Variants in RAB37 observed in about 807,000 individuals in gnomAD.
RAB37 encodes ras-related protein Rab-37.
In RAB37, 29 loss-of-function variants were observed where a neutral mutation model predicts 33.1. That is an observed-to-expected ratio of 0.88 (90% CI 0.65 to 1.20). The LOEUF (loss-of-function observed/expected upper bound fraction) is 1.20. Among genes scored for constraint, RAB37 ranks in the 50% most tolerant of loss-of-function variants. The pLI is 0.00. For missense variants in RAB37, 299 were observed against 301.1 expected, an observed-to-expected ratio of 0.99 and a Z score of 0.05; for synonymous variants, 128 against 119.5, an observed-to-expected ratio of 1.07 and a Z score of -0.47.
At chr17:74,696,094 A>C in intron 1 of RAB37, 1 of 1,454,974 alleles carries the variant, frequency 6.9e-7, no homozygotes, top group Middle Eastern at 2.1e-4. Flanking sequence ...ATACTTTGGC[A>C]CAGGACTTCT....
chr17:74,684,047 T>C (rs920405353), intron 1 of RAB37, among the ~76,000 whole-genome samples: 2 of 152,094 alleles, frequency 1.3e-5, no homozygotes, highest in Admixed American at 1.3e-4. Flanking sequence ...AAACAATAAG[T>C]TCATATTGGT....
At chr17:74,710,459 A>T (rs2033862356) in intron 1 of RAB37, among the ~76,000 whole-genome samples, 1 of 152,254 alleles carries the variant, frequency 6.6e-6, no homozygotes, top group Non-Finnish European at 1.5e-5. Context: ...AACTGCTAAT[A>T]AATAGTTGGA....
chr17:74,696,054 C>T, intron 1 of RAB37: 1 of 1,286,242 alleles, frequency 7.8e-7, no homozygotes, highest in Non-Finnish European at 1.1e-6. Flanking sequence ...CCCTCAGCCC[C>T]CAGGCCCTGC....
intron 1 of RAB37, among the ~76,000 whole-genome samples, chr17:74,691,465 C>T (rs1036957880): frequency 1.3e-5 from 2 of 152,140 alleles, no homozygotes; most frequent in African/African-American, 4.8e-5. Flanking sequence ...CCACCATGCC[C>T]GGCCTGTAGA....
chr17:74,701,856 A>G (rs1029678222), intron 1 of RAB37, among the ~76,000 whole-genome samples: 5 of 151,506 alleles, frequency 3.3e-5, no homozygotes, highest in African/African-American at 1.2e-4. Context: ...TCAAAAAAAA[A>G]AAAAAAAAAA....
chr17:74,717,772 G>A (rs1393541515), intron 1 of RAB37, among the ~76,000 whole-genome samples: 2 of 147,584 alleles, frequency 1.4e-5, no homozygotes, highest in Non-Finnish European at 3.0e-5. Flanking sequence ...TCGTACCATT[G>A]CACTCCAGCC....
chr17:74,685,377 A>G (rs1000594482), intron 1 of RAB37, among the ~76,000 whole-genome samples: 1 of 152,118 alleles, frequency 6.6e-6, no homozygotes, highest in African/African-American at 2.4e-5. Flanking sequence ...TAGTAGAGAC[A>G]GGGTTTCACC....
chr17:74,686,548 A>G (rs2032058581), intron 1 of RAB37, among the ~76,000 whole-genome samples: 1 of 151,608 alleles, frequency 6.6e-6, no homozygotes, highest in African/African-American at 2.4e-5. Flanking sequence ...ACACCACTAC[A>G]CCTAGCTAGT....
At chr17:74,707,841 T>A (rs905220855) in intron 1 of RAB37, among the ~76,000 whole-genome samples, 9 of 151,904 alleles carry the variant, frequency 5.9e-5, no homozygotes, top group African/African-American at 2.2e-4. Flanking sequence ...GTTATGCCAA[T>A]GAATTTACAA....
In RAB37 at chr17:74,744,599, C is replaced by T; in HGVS notation, c.432+226C>T. The T allele has an allele frequency of 1.6e-6, 1 of 624,768 alleles. No homozygotes were observed. Among genetic ancestry groups the T allele is most frequent in the Admixed American group, 2.8e-5 (1 of 35,136 alleles). 38.7% of individuals were successfully genotyped at this position (624,768 alleles called of 1,614,324 possible). A position where few individuals can be genotyped will look rare whatever the true frequency, so the allele number is the denominator to read the frequency against. On this transcript the variant is annotated intron_variant, in intron 6 of 8. Transcript: ENST00000392613. This position sits in a 1 kb window ranked among gnomAD's most constrained non-coding sequence, Gnocchi z 4.2. Reference sequence around the variant, plus strand: ...ATCAAGGGGTGCCCAGTTCTCAGCCCCCATTAGAGCAGAGTGAACAGGGTC... The same window carrying T: ...ATCAAGGGGTGCCCAGTTCTCAGCCTCCATTAGAGCAGAGTGAACAGGGTC...
chr17:74,674,752 A>G (rs2031785921), intron 1 of RAB37, among the ~76,000 whole-genome samples: 1 of 152,218 alleles, frequency 6.6e-6, no homozygotes, highest in Non-Finnish European at 1.5e-5. Flanking sequence ...AATTATCACA[A>G]AGTGAACATA....
rs992625302 is a variant in RAB37, at chr17:74,746,507, A to G, written c.*1096A>G. ...CCAAAGTACTGGGATTACACGCAGA[A>G]GGCACCATGCCCAGGCTAGATGTGT... On this transcript the variant is annotated 3_prime_UTR_variant, in exon 9 of 9. Transcript: ENST00000392613. The surrounding 1 kb of genome is among the most constrained non-coding windows in gnomAD (Gnocchi z 5.2). 2.0e-5 allele frequency: 3 copies of G among 152,238 alleles called. No individual in the cohort carries two copies. The highest frequency in any genetic ancestry group is 2.0e-4 in the Admixed American group (3 of 15,286). 9.4% of individuals were successfully genotyped at this position (152,238 alleles called of 1,614,324 possible).
At chr17:74,692,146 A>G (rs374961127) in intron 1 of RAB37, among the ~76,000 whole-genome samples, 5 of 152,024 alleles carry the variant, frequency 3.3e-5, no homozygotes, top group Admixed American at 6.6e-5. Context: ...GATTACAGGC[A>G]TGAGCCACCG....
chr17:74,735,675 G>A (rs939185505), upstream of RAB37, among the ~76,000 whole-genome samples: 6 of 152,258 alleles, frequency 3.9e-5, no homozygotes, highest in South Asian at 1.2e-3. Flanking sequence ...TTTGAGTCCC[G>A]CCCTATGCCC....
At chr17:74,741,038 G>C (rs2034602779) in intron 2 of RAB37, among the ~76,000 whole-genome samples, 160 bp downstream of exon 2, 1 of 152,066 alleles carries the variant, frequency 6.6e-6, no homozygotes, top group African/African-American at 2.4e-5. Context: ...GAGGTGGCCG[G>C]GTCAAAGGAG....
upstream of RAB37, chr17:74,736,979 A>G: frequency 6.4e-7 from 1 of 1,571,638 alleles, no homozygotes; most frequent in Non-Finnish European, 8.6e-7. Context: ...GGGGCAAGCA[A>G]GCGACCACAG....
chr17:74,677,072 C>T (rs922734821), intron 1 of RAB37, among the ~76,000 whole-genome samples: 1 of 152,184 alleles, frequency 6.6e-6, no homozygotes, highest in East Asian at 1.9e-4. Flanking sequence ...ATCGCTTGAA[C>T]CCAGGAAGCA....
Position 74,744,313 on chromosome 17 carries a change from G to A in RAB37, c.372G>A (p.Trp124Ter), listed in dbSNP as rs1303907212. Reference protein sequence around the residue: ...NKSSFDNIRAWLTEIHEYAQR... With the variant: ...NKSSFDNIRA ...TCGCACGCCCTCTCCCACAGGCCTG[G>A]CTCACTGAGATTCATGAGTATGCCC... is the stretch of plus-strand genomic sequence containing the variant. Residue 124 changes from tryptophan (W) to a stop codon, truncating the protein, a stop_gained, in exon 6 of 9, where the codon TGG (tryptophan) becomes TGA (stop). Coordinates refer to ENST00000392613, the MANE Select transcript of RAB37 (RefSeq NM_001006638.3). LOFTEE classifies it high-confidence loss of function. This position sits in a 1 kb window ranked among gnomAD's most constrained non-coding sequence, Gnocchi z 4.2. 2 of 1,613,638 alleles carry A rather than the reference G, an allele frequency of 1.2e-6. No individual in the cohort carries two copies. The highest frequency in any genetic ancestry group is 8.5e-7 in the Non-Finnish European group (1 of 1,179,776).
At chr17:74,728,320 T>A (rs998195438) in intron 1 of RAB37, among the ~76,000 whole-genome samples, 17 of 152,064 alleles carry the variant, frequency 1.1e-4, no homozygotes, top group Middle Eastern at 3.4e-3. Context: ...TGTTTGTGTG[T>A]ACATGTGTGT....
Sources: allele counts gnomAD v4.1 joint callset (sites outside exome capture counted in the v4.1 genomes callset), GRCh38; gene constraint gnomAD v4.1.1; non-coding constraint Gnocchi (gnomAD v3.1); transcripts MANE v1.5; gene names NCBI Gene and HGNC (gene_info 2026-07-23, HGNC 2026-07-21).